The following ZDHHC23 variants were observed in gnomAD, a reference collection of about 807,000 sequenced individuals.
ZDHHC23 encodes the protein zDHHC palmitoyltransferase 23, also known as palmitoyltransferase ZDHHC23.
Under a neutral mutation model 40.2 loss-of-function variants are expected in ZDHHC23, and 41 were observed. That is an observed-to-expected ratio of 1.02 (90% CI 0.79 to 1.32). The LOEUF is 1.32. ZDHHC23 is among the 40% of genes most tolerant of loss of function. The pLI is 0.00. For synonymous variants in ZDHHC23, 204 were observed against 210.2 expected (o/e 0.97, Z 0.26); for missense variants, 471 against 541.5 (o/e 0.87, Z 1.29).
At position 113,948,953 on chromosome 3, in the gene ZDHHC23, G is replaced by A; in HGVS notation, c.151G>A (p.Gly51Arg). 1 of 1,614,192 alleles carries A rather than the reference G, an allele frequency of 6.2e-7. No homozygotes were observed. Among genetic ancestry groups the A allele is most frequent in the Non-Finnish European group, 8.5e-7 (1 of 1,180,028 alleles). The change falls in exon 2 of 5, where the codon GGG becomes AGG. Residue 51 changes from glycine (G) to arginine (R), a missense_variant. Physicochemically the swap from Gly to Arg is moderately radical, Grantham distance 125. Around this residue, in one of 3 missense-constraint regions of ZDHHC23, gnomAD observed 83 missense variants for 67.8 expected, o/e 1.22. Coordinates refer to ENST00000638807, the MANE Select transcript of ZDHHC23 (RefSeq NM_001320466.2). Reference protein sequence around the residue: ...CLCDCQDLDEGCDRWITCKSL... With the variant: ...CLCDCQDLDERCDRWITCKSL... ...GTGTGATTGTCAAGATCTGGATGAAGGGTGTGATCGGTAAGAACAGAGCAT... is the reference window on the plus strand; with the variant it reads ...GTGTGATTGTCAAGATCTGGATGAAAGGTGTGATCGGTAAGAACAGAGCAT...
At chr3:113,966,823 G>A (rs1179509074), downstream of ZDHHC23, among the ~76,000 whole-genome samples, 1 of 152,128 alleles carries the variant, frequency 6.6e-6, no homozygotes, top group Non-Finnish European at 1.5e-5. Context: ...GCATGGCTGG[G>A]TGCGGTGGGT....
At chr3:113,966,149 G>GAC (rs2107542339), downstream of ZDHHC23, among the ~76,000 whole-genome samples, 1 of 152,276 alleles carries the variant, frequency 6.6e-6, no homozygotes, top group Admixed American at 6.5e-5. Flanking sequence ...TCAGTGCGTA[G>GAC]ACATATTTTA....
At chr3:113,952,159 C>T (rs6789330) in intron 2 of ZDHHC23, among the ~76,000 whole-genome samples, 85,801 of 151,882 alleles carry the variant, frequency 0.56, 24,439 homozygotes, top group East Asian at 0.64. Context: ...AATTTCTCTC[C>T]TGCATTTTAC....
rs185135100 is a variant in ZDHHC23 at position 113,960,307 on chromosome 3, A to C, written c.*1677A>C. The C allele has an allele frequency of 2.8e-5, 29 of 1,033,662 alleles. No homozygotes were observed. In the Admixed American group the frequency reaches 1.5e-3, roughly 54 times the overall value. 64.0% of individuals were successfully genotyped at this position (1,033,662 alleles called of 1,614,324 possible). On this transcript the variant is annotated 3_prime_UTR_variant, in exon 5 of 5. Transcript: ENST00000638807. Reference sequence around the variant, plus strand: ...TCCCCAGAGATGGTTTGTTTAACGAATGATAGGCTCTGTGCCTGGGGATGT... The same window carrying C: ...TCCCCAGAGATGGTTTGTTTAACGACTGATAGGCTCTGTGCCTGGGGATGT...
chr3:113,948,807 C>G lies in ZDHHC23; in HGVS notation c.5C>G (p.Thr2Arg), dbSNP rs745395052. 16 of 1,614,112 alleles carry G rather than the reference C, an allele frequency of 9.9e-6. No individual in the cohort carries two copies. The highest frequency in any genetic ancestry group is 3.3e-5 in the Admixed American group (2 of 60,018). Residue 2 changes from threonine (T) to arginine (R), a missense_variant, in exon 2 of 5, where the codon ACA becomes AGA. Physicochemically the swap from Thr to Arg is moderately conservative, Grantham distance 71. This residue lies in a region of ZDHHC23 where 83 missense variants were observed against 67.8 expected (regional missense o/e 1.22). Coordinates refer to ENST00000638807, the MANE Select transcript of ZDHHC23 (RefSeq NM_001320466.2). M[T>R]QKGSMKPVKK... is the part of the protein sequence containing the mutation. ...TCATGGTGACAGGTGCAAATCATGA[C>G]ACAGAAGGGCAGTATGAAGCCTGTG... is the stretch of plus-strand genomic sequence containing the variant.
chr3:113,951,068 G>A (rs1291888675), intron 2 of ZDHHC23, among the ~76,000 whole-genome samples: 3 of 152,186 alleles, frequency 2.0e-5, no homozygotes, highest in South Asian at 2.1e-4. Context: ...GCTTTGTTGC[G>A]CACAGCCCAC....
chr3:113,950,097 G>A (rs1419290866), intron 2 of ZDHHC23, among the ~76,000 whole-genome samples: 4 of 152,114 alleles, frequency 2.6e-5, no homozygotes, highest in Admixed American at 6.5e-5. Context: ...TGTCCCCTGA[G>A]GCATCTCCTC....
At chr3:113,968,208 A>G (rs142324543), downstream of ZDHHC23, among the ~76,000 whole-genome samples, 906 of 152,172 alleles carry the variant, frequency 6.0e-3, 9 homozygotes, top group African/African-American at 0.021. Context: ...AGGAATCTCC[A>G]TTCTGTTCTC....
In ZDHHC23 at chr3:113,958,573, C is replaced by T; in HGVS notation, c.1251C>T (p.His417=). 7 of 1,609,136 alleles carry T rather than the reference C, an allele frequency of 4.4e-6. No homozygotes were observed. Among genetic ancestry groups the T allele is most frequent in the Non-Finnish European group, 5.9e-6 (7 of 1,179,940 alleles). ...ATAGGGGCTTCCTGCGGAACTGGCA[C>T]CAGTTCTCCACCCTGGGCACACGTG... is the stretch of plus-strand genomic sequence containing the variant. ...QYNRGFLRNW[H]QFSTLGTRAF... is the part of the protein sequence containing the mutation. The change falls in exon 5 of 5, where the codon CAC becomes CAT. Residue 417 remains histidine, a synonymous_variant. Coordinates refer to ENST00000638807, the MANE Select transcript of ZDHHC23 (RefSeq NM_001320466.2).
At chr3:113,964,922 G>A (rs1011261449), downstream of ZDHHC23, 8 of 346,890 alleles carry the variant, frequency 2.3e-5, 1 homozygote, top group Middle Eastern at 1.5e-3. Flanking sequence ...TTGAACAGAC[G>A]ATCTCTAGAA....
Position 113,960,346 on chromosome 3 carries a change from G to A in ZDHHC23, c.*1716G>A, listed in dbSNP as rs1577276363. On this transcript the variant is annotated 3_prime_UTR_variant, in exon 5 of 5. Transcript: ENST00000638807. ...GCCTGGGGATGTTAGCAGACTCTGG[G>A]GTTTGTACAGTGATGCCTTCTCCCT... 1.6e-5 allele frequency: 18 copies of A among 1,105,396 alleles called. No homozygotes were observed. The highest frequency in any genetic ancestry group is 2.0e-5 in the Non-Finnish European group (18 of 905,786). 68.5% of individuals were successfully genotyped at this position (1,105,396 alleles called of 1,614,324 possible).
Position 113,958,637 on chromosome 3 carries a change from T to C in ZDHHC23, c.*7T>C. 1 of 1,595,306 alleles carries C rather than the reference T, an allele frequency of 6.3e-7. No homozygotes were observed. On this transcript the variant is annotated 3_prime_UTR_variant, in exon 5 of 5. Transcript: ENST00000638807. ...TGCCGAGGACATTGTCTGAAGTGCCTTCTATGTGGCTCTCTGAGGGATGAT... is the reference window on the plus strand; with the variant it reads ...TGCCGAGGACATTGTCTGAAGTGCCCTCTATGTGGCTCTCTGAGGGATGAT...
chr3:113,972,867 G>T, the ZDHHC23 span, among the ~76,000 whole-genome samples: 1 of 152,088 alleles, frequency 6.6e-6, no homozygotes, highest in Non-Finnish European at 1.5e-5. Flanking sequence ...TCTGATATAA[G>T]TATAGCTATT....
downstream of ZDHHC23, chr3:113,965,248 A>T (rs770895905): frequency 6.2e-7 from 1 of 1,611,884 alleles, no homozygotes; most frequent in South Asian, 1.1e-5. Flanking sequence ...AGTCTGGAAG[A>T]ATTTCAACTA....
the ZDHHC23 span, chr3:113,978,066 T>TGGTG: frequency 9.3e-7 from 1 of 1,077,960 alleles, no homozygotes; most frequent in Non-Finnish European, 1.4e-6. Flanking sequence ...CACCCCTGAC[T>TGGTG]GGTGTTTCCC....
the ZDHHC23 span, among the ~76,000 whole-genome samples, chr3:113,972,673 AG>A: frequency 1.3e-5 from 2 of 152,074 alleles, no homozygotes; most frequent in South Asian, 4.1e-4. Context: ...GGCGTGTTGA[AG>A]TCCCCTATGA....
At chr3:113,974,308 C>G in the ZDHHC23 span, among the ~76,000 whole-genome samples, 16 of 150,654 alleles carry the variant, frequency 1.1e-4, no homozygotes, top group Admixed American at 6.6e-4. Context: ...TCATGGTTCC[C>G]CATTTGCTGT....
At chr3:113,965,093 GT>G (rs1939976438), downstream of ZDHHC23, 1 of 946,052 alleles carries the variant, frequency 1.1e-6, no homozygotes. Context: ...GTGTGGGTGG[GT>G]GGAGATAACA....
chr3:113,948,626 C>T (rs1361335376), intron 1 of ZDHHC23, 60 bp from the exon 2 acceptor site: 9 of 675,834 alleles, frequency 1.3e-5, no homozygotes, highest in Non-Finnish European at 1.9e-5. Flanking sequence ...GGCGGAGCCA[C>T]AGAAGCCTGA....
Sources: gnomAD v4.1 joint callset for allele counts (sites outside exome capture counted in the v4.1 genomes callset) on GRCh38, gnomAD v4.1.1 for gene constraint, gnomAD v4.1.1 regional missense constraint, MANE v1.5 for transcripts, NCBI Gene and HGNC (gene_info 2026-07-23, HGNC 2026-07-21) for gene names.